The following ACP3 variants were observed in gnomAD, a reference collection of about 807,000 sequenced individuals.
The protein encoded by ACP3 is acid phosphatase 3, also known as prostatic acid phosphatase.
In ACP3, 38 loss-of-function variants were observed where a neutral mutation model predicts 45.6. The ratio of observed to expected loss-of-function variants is 0.83; its 90% CI spans 0.64 to 1.09. The LOEUF is 1.09. Among genes scored for constraint, ACP3 ranks in the 50% least tolerant of loss-of-function variants. The pLI, the probability that ACP3 is intolerant of heterozygous loss-of-function variation, is 0.00. For missense variants in ACP3, 466 were observed against 463.2 expected (o/e 1.01, Z -0.05); for synonymous variants, 162 against 164.7 (o/e 0.98, Z 0.13).
Position 132,332,298 on chromosome 3 carries a change from T to G in ACP3, c.410T>G (p.Leu137Arg). 2 of 1,614,128 alleles carry G rather than the reference T, an allele frequency of 1.2e-6. No individual in the cohort carries two copies. The highest frequency in any genetic ancestry group is 1.7e-6 in the Non-Finnish European group (2 of 1,180,008). The change falls in exon 4 of 10, where the codon CTC (leucine) becomes CGC (arginine). Residue 137 changes from leucine to arginine, a missense_variant. Transcript: ENST00000336375. ...EGVSIWNPIL[L>R]WQPIPVHTVP... ...GTCAGCATCTGGAATCCTATCCTAC[T>G]CTGGCAGCCCATCCCGGTGCACACA... is the stretch of plus-strand genomic sequence containing the variant.
intron 4 of ACP3, among the ~76,000 whole-genome samples, chr3:132,336,997 G>T (rs1221752844): frequency 2.6e-5 from 4 of 152,076 alleles, no homozygotes; most frequent in African/African-American, 9.7e-5. Context: ...TGAAGTTAAT[G>T]AGTGGTTAAT....
intron 8 of ACP3, among the ~76,000 whole-genome samples, chr3:132,351,850 C>G (rs1198430952): frequency 6.6e-6 from 1 of 152,094 alleles, no homozygotes; most frequent in African/African-American, 2.4e-5. Context: ...GATTAGATAG[C>G]TAATCAGTGG....
chr3:132,346,870 C>T (rs1446602514), intron 7 of ACP3, among the ~76,000 whole-genome samples: 1 of 152,192 alleles, frequency 6.6e-6, no homozygotes, highest in Non-Finnish European at 1.5e-5. Flanking sequence ...AAACACAGGC[C>T]CCACTCCCAA....
chr3:132,325,136 G>A (rs995439657), intron 1 of ACP3, among the ~76,000 whole-genome samples: 19 of 152,162 alleles, frequency 1.2e-4, no homozygotes, highest in African/African-American at 2.4e-5. Context: ...GAATGTCTTC[G>A]CATAGTCCAA....
chr3:132,326,149 G>A (rs1248623521), intron 1 of ACP3, among the ~76,000 whole-genome samples: 5 of 152,080 alleles, frequency 3.3e-5, no homozygotes, highest in African/African-American at 1.2e-4. Context: ...AATGTTACTG[G>A]CATCCGGTGG....
At chr3:132,339,262 T>G (rs1008871538) in intron 5 of ACP3, among the ~76,000 whole-genome samples, 1 of 152,238 alleles carries the variant, frequency 6.6e-6, no homozygotes, top group Non-Finnish European at 1.5e-5. Context: ...CAATGTGTTT[T>G]TTCCTATTTT....
At position 132,345,069 on chromosome 3, in the gene ACP3, A is replaced by G. The variant is rs769927105; in HGVS notation, c.781+10A>G. 9 of 1,610,648 alleles carry G rather than the reference A, an allele frequency of 5.6e-6. No homozygotes were observed. Among genetic ancestry groups the G allele is most frequent in the South Asian group, 1.1e-5 (1 of 90,958 alleles). On this transcript the variant is annotated intron_variant, in intron 7 of 9. Coordinates refer to ENST00000336375, the MANE Select transcript of ACP3 (RefSeq NM_001099.5). ...TCTAGGCTCCAAGGGGGTAAGTATTAAAAAATGAGAGGAGCATATTGGATT... is the reference window on the plus strand; with the variant it reads ...TCTAGGCTCCAAGGGGGTAAGTATTGAAAAATGAGAGGAGCATATTGGATT...
chr3:132,355,515 A>ATTTTATTTTAT (rs1937864558), intron 9 of ACP3, among the ~76,000 whole-genome samples: 7 of 137,902 alleles, frequency 5.1e-5, no homozygotes, highest in African/African-American at 1.0e-4. Flanking sequence ...TTTTATTTTT[A>ATTTTATTTTAT]TTTTATTTTA....
rs750053349 is a variant in ACP3, at chr3:132,317,624, C to A, written c.120+48C>A. 1.9e-6 allele frequency: 3 copies of A among 1,578,422 alleles called. No homozygotes were observed. In the African/African-American group the frequency reaches 4.1e-5, roughly 21 times the overall value. Reference sequence around the variant, plus strand: ...TTTTTCCTTAAAACTGTGTTCCCAGCAAAGTCTGATAAGGCAAGCGTCAGG... The same window carrying A: ...TTTTTCCTTAAAACTGTGTTCCCAGAAAAGTCTGATAAGGCAAGCGTCAGG... On this transcript the variant is annotated intron_variant, in intron 1 of 9. Coordinates refer to ENST00000336375, the MANE Select transcript of ACP3 (RefSeq NM_001099.5).
At chr3:132,360,931 G>A (rs1447382140), downstream of ACP3, among the ~76,000 whole-genome samples, 1 of 152,280 alleles carries the variant, frequency 6.6e-6, no homozygotes, top group Non-Finnish European at 1.5e-5. Context: ...TACATGTCCA[G>A]CCCTGCATAC....
downstream of ACP3, chr3:132,358,861 T>C (rs192146039): frequency 1.0e-6 from 1 of 984,744 alleles, no homozygotes; most frequent in Admixed American, 6.2e-5. Flanking sequence ...GTGTTTGGGG[T>C]TTTTGTTTTA....
At chr3:132,333,313 T>A (rs1009761743) in intron 4 of ACP3, 5 of 152,628 alleles carry the variant, frequency 3.3e-5, no homozygotes, top group Non-Finnish European at 7.3e-5. Context: ...AAAGTAGCAA[T>A]AGATAAATCT....
At chr3:132,338,819 G>C in intron 5 of ACP3, among the ~76,000 whole-genome samples, 1 of 152,094 alleles carries the variant, frequency 6.6e-6, no homozygotes, top group Non-Finnish European at 1.5e-5. Flanking sequence ...GAGTGAGTTT[G>C]GGTATCTTCA....
At position 132,352,758 on chromosome 3, in the gene ACP3, T is replaced by G. The variant is rs116804987; in HGVS notation, c.903T>G (p.Asp301Glu). ...TGAGTGGCCTACAGATGGCGCTAGA[T>G]GTTTACAACGGACTCCTTCCTCCCT... is the stretch of plus-strand genomic sequence containing the variant. ...TTVSGLQMAL[D>E]VYNGLLPPYA... is the part of the protein sequence containing the mutation. The change falls in exon 9 of 10, where the codon GAT becomes GAG. Residue 301 changes from aspartate (D) to glutamate (E), a missense_variant. By Grantham distance (45) the Asp-to-Glu change is conservative (BLOSUM62 2). Transcript: ENST00000336375. 8.6e-4 allele frequency: 1,389 copies of G among 1,613,954 alleles called. 16 individuals carry two copies. The African/African-American group carries it at 0.016, about 19-fold the overall frequency.
intron 4 of ACP3, among the ~76,000 whole-genome samples, chr3:132,336,266 T>A (rs959941879): frequency 4.5e-4 from 68 of 151,674 alleles, no homozygotes; most frequent in Non-Finnish European, 9.1e-4. Context: ...TCTCAAAACA[T>A]AATAATAATA....
In ACP3 at chr3:132,356,900, A is replaced by G; in HGVS notation, c.*22A>G. The G allele has an allele frequency of 6.3e-7, 1 of 1,593,880 alleles. No homozygotes were observed. Among genetic ancestry groups the G allele is most frequent in the Non-Finnish European group, 8.6e-7 (1 of 1,166,508 alleles). ...TTAGTGTGCACAGAGATCTCTGTAG[A>G]AGGAGTAGCTGCCCTTTCTCAGGGC... On this transcript the variant is annotated 3_prime_UTR_variant, in exon 10 of 10. Coordinates refer to ENST00000336375, the MANE Select transcript of ACP3 (RefSeq NM_001099.5).
intron 3 of ACP3, 69 bp downstream of exon 3, chr3:132,331,802 A>G: frequency 7.6e-7 from 1 of 1,320,688 alleles, no homozygotes; most frequent in Non-Finnish European, 1.1e-6. Flanking sequence ...CATATATAAA[A>G]GTGCTTTGCC....
chr3:132,344,448 AAAAAAAAAAG>A (rs2107808407), intron 6 of ACP3, among the ~76,000 whole-genome samples: 1 of 151,962 alleles, frequency 6.6e-6, no homozygotes, highest in East Asian at 1.9e-4. Flanking sequence ...TGTCTCTGAA[AAAAAAAAAAG>A]AAAAAAAAAG....
chr3:132,363,635 T>G (rs1456608610), downstream of ACP3, among the ~76,000 whole-genome samples: 1 of 152,198 alleles, frequency 6.6e-6, no homozygotes, highest in Non-Finnish European at 1.5e-5. Context: ...CAGTTTTTGT[T>G]TTTCTTAAAC....
Sources: gnomAD v4.1 joint callset for allele counts (sites outside exome capture counted in the v4.1 genomes callset) on GRCh38, gnomAD v4.1.1 for gene constraint, MANE v1.5 for transcripts, NCBI Gene and HGNC (gene_info 2026-07-23, HGNC 2026-07-21) for gene names.